IMPA2: variants seen among roughly 807,000 people sequenced by gnomAD.
The protein encoded by IMPA2 is IMP 2.
In IMPA2, 32 loss-of-function variants were observed where a neutral mutation model predicts 35.1. The ratio of observed to expected loss-of-function variants is 0.91; its 90% CI spans 0.69 to 1.23. IMPA2 has a LOEUF of 1.23. Ranked by LOEUF, IMPA2 falls within the 50% of genes most tolerant of loss-of-function variation. IMPA2 has a pLI of 0.00. For missense variants in IMPA2, 334 were observed against 387.6 expected (o/e 0.86, Z 1.16); for synonymous variants, 135 against 160.6 (o/e 0.84, Z 1.20).
At chr18:12,030,216 T>TGTTGG in intron 7 of IMPA2, 127 bp from the exon 8 acceptor site, 1 of 685,344 alleles carries the variant, frequency 1.5e-6, no homozygotes, top group South Asian at 1.8e-5. Flanking sequence ...TTAATACGAG[T>TGTTGG]GTTGGGGCTT....
intron 7 of IMPA2, 113 bp downstream of exon 7, chr18:12,029,106 C>CTTTTT: frequency 2.2e-5 from 8 of 358,078 alleles, no homozygotes; most frequent in South Asian, 5.3e-5. Context: ...CCCAGAGTTT[C>CTTTTT]TGTTTTTTTT....
intron 5 of IMPA2, among the ~76,000 whole-genome samples, chr18:12,019,119 C>T (rs976974585): frequency 2.6e-5 from 4 of 152,144 alleles, no homozygotes; most frequent in African/African-American, 4.8e-5. Flanking sequence ...AGCCACCAAC[C>T]CAGCCTGTTT....
At chr18:12,026,279 C>T (rs761387279) in intron 5 of IMPA2, among the ~76,000 whole-genome samples, 5 of 152,120 alleles carry the variant, frequency 3.3e-5, no homozygotes, top group African/African-American at 4.8e-5. Flanking sequence ...GTGATCTGCC[C>T]GCCTCAGCCT....
chr18:12,004,609 C>T (rs936670364), intron 2 of IMPA2, among the ~76,000 whole-genome samples: 1 of 151,440 alleles, frequency 6.6e-6, no homozygotes, highest in African/African-American at 2.4e-5. Flanking sequence ...CTGCTCACTG[C>T]AACCTCCGCC....
intron 5 of IMPA2, among the ~76,000 whole-genome samples, chr18:12,023,454 A>G (rs902773020): frequency 6.6e-6 from 1 of 152,198 alleles, no homozygotes; most frequent in Non-Finnish European, 1.5e-5. Context: ...TTGCACACAA[A>G]TTAACTTCCC....
At chr18:12,018,037 G>A (rs1341882184) in intron 5 of IMPA2, 1 of 156,706 alleles carries the variant, frequency 6.4e-6, no homozygotes, top group East Asian at 1.9e-4. Flanking sequence ...CGCCTCCCTG[G>A]TTCAAGTGAT....
In IMPA2 at chr18:12,014,312, G is replaced by T. The variant is rs1376341131; in HGVS notation, c.429G>T (p.Thr143=). The part of the protein sequence containing the change: ...IYHCTEERLY[T]GRRGRGAFCN... ...ACTGCACAGAGGAGCGGCTGTACAC[G>T]GGCCGGCGGGGTCGGGGCGCCTTCT... The change falls in exon 5 of 8, where the codon ACG becomes ACT. Residue 143 remains threonine (T), a synonymous_variant. Coordinates refer to ENST00000269159, the MANE Select transcript of IMPA2 (RefSeq NM_014214.3). The T allele has an allele frequency of 6.2e-7, 1 of 1,611,694 alleles. No homozygotes were observed.
chr18:11,984,719 G>A (rs1906606606), intron 1 of IMPA2, among the ~76,000 whole-genome samples: 1 of 152,118 alleles, frequency 6.6e-6, no homozygotes, highest in Non-Finnish European at 1.5e-5. Flanking sequence ...TGTAATCCCA[G>A]CACTTTGGGA....
rs16976962 is a variant in IMPA2, at chr18:12,030,621, G to A, written c.*163G>A. The stretch of plus-strand genomic sequence containing the variant: ...CAGTGAGTGGCTGGCCTTTTAAATC[G>A]ACGTCTCTCTCACCAGGATTTGGTG... On this transcript the variant is annotated 3_prime_UTR_variant, in exon 8 of 8. Transcript: ENST00000269159. The A allele has an allele frequency of 4.5e-3, 2,663 of 598,218 alleles. 41 individuals are homozygous for A. Among genetic ancestry groups the A allele is most frequent in the African/African-American group, 0.044 (2,361 of 53,794 alleles). 37.1% of individuals were successfully genotyped at this position (598,218 alleles called of 1,614,324 possible). A position where few individuals can be genotyped will look rare whatever the true frequency, so the allele number is the denominator to read the frequency against.
rs1253570749 is a variant in IMPA2, at chr18:11,981,545, A to C, written c.-125A>C. 2 of 579,732 alleles carry C rather than the reference A, an allele frequency of 3.4e-6. No individual in the cohort carries two copies. Among genetic ancestry groups the C allele is most frequent in the Non-Finnish European group, 5.1e-6 (2 of 395,004 alleles). 35.9% of individuals were successfully genotyped at this position (579,732 alleles called of 1,614,324 possible). A position where few individuals can be genotyped will look rare whatever the true frequency, so the allele number is the denominator to read the frequency against. ...AGCGCAGGTGTGGGACGGGCGGCGG[A>C]CTAGGCACAGAGCTGCGGGAGCAGG... is the stretch of plus-strand genomic sequence containing the variant. On this transcript the variant is annotated 5_prime_UTR_variant, in exon 1 of 8. Transcript: ENST00000269159.
intron 1 of IMPA2, among the ~76,000 whole-genome samples, chr18:11,997,864 AAGAC>A (rs970393993): frequency 2.0e-5 from 3 of 152,218 alleles, no homozygotes; most frequent in East Asian, 1.9e-4. Context: ...CCAAGTTGTT[AAGAC>A]AGACAGAAAT....
chr18:12,001,066 T>C (rs1907103789), intron 2 of IMPA2, among the ~76,000 whole-genome samples: 1 of 151,604 alleles, frequency 6.6e-6, no homozygotes, highest in Non-Finnish European at 1.5e-5. Flanking sequence ...TCGTCCCTAC[T>C]AAGAATGCAA....
intron 5 of IMPA2, 21 bp from the exon 6 acceptor site, chr18:12,028,022 A>G (rs774146170): frequency 3.9e-5 from 61 of 1,548,544 alleles, no homozygotes; most frequent in Non-Finnish European, 5.4e-5. Flanking sequence ...TTCTGGTGAC[A>G]GGAAATTCTT....
At chr18:12,023,843 G>A (rs1280760683) in intron 5 of IMPA2, among the ~76,000 whole-genome samples, 1 of 152,190 alleles carries the variant, frequency 6.6e-6, no homozygotes, top group African/African-American at 2.4e-5. Context: ...GCCTGTTAGG[G>A]ACTTGGAAAT....
intron 2 of IMPA2, among the ~76,000 whole-genome samples, chr18:12,009,652 C>T (rs188261492): frequency 3.3e-5 from 5 of 152,286 alleles, no homozygotes; most frequent in East Asian, 1.9e-4. Context: ...TCTTTCTGAA[C>T]GCTGGCACTG....
At chr18:12,022,434 A>C (rs1459186155) in intron 5 of IMPA2, among the ~76,000 whole-genome samples, 1 of 150,548 alleles carries the variant, frequency 6.6e-6, no homozygotes, top group Non-Finnish European at 1.5e-5. Context: ...GAGGCAGGAG[A>C]ATTGCTTGAA....
intron 7 of IMPA2, among the ~76,000 whole-genome samples, chr18:12,029,686 GCTGGGATTACAGGC>G (rs1300683198): frequency 6.6e-6 from 1 of 152,176 alleles, no homozygotes; most frequent in African/African-American, 2.4e-5. Flanking sequence ...CTCCCAAAGT[GCTGGGATTACAGGC>G]CTGAGCCACC....
Position 12,009,911 on chromosome 18 carries a change from G to C in IMPA2, c.259G>C (p.Gly87Arg). 2 of 1,614,122 alleles carry C rather than the reference G, an allele frequency of 1.2e-6. No homozygotes were observed. Among genetic ancestry groups the C allele is most frequent in the Non-Finnish European group, 8.5e-7 (1 of 1,180,030 alleles). ...RFIAEEAAAS[G>R]AKCVLTHSPT... ...CATTGCAGAAGAGGCCGCGGCTTCT[G>C]GGGCCAAGTGTGTGCTCACCCACAG... Residue 87 changes from glycine to arginine, a missense_variant, in exon 3 of 8, where the codon GGG (glycine) becomes CGG (arginine). Gly to Arg is a moderately radical substitution (Grantham distance 125, BLOSUM62 -2). Transcript: ENST00000269159.
chr18:12,000,160 T>C (rs1469500212), intron 2 of IMPA2, among the ~76,000 whole-genome samples: 3 of 152,080 alleles, frequency 2.0e-5, no homozygotes, highest in African/African-American at 4.8e-5. Context: ...TAAAATACTT[T>C]TCTTTACATT....
Sources: allele counts gnomAD v4.1 joint callset (sites outside exome capture counted in the v4.1 genomes callset), GRCh38; gene constraint gnomAD v4.1.1; transcripts MANE v1.5; gene names NCBI Gene and HGNC (gene_info 2026-07-23, HGNC 2026-07-21).